The following ZNF335 variants were observed in gnomAD, a reference collection of about 807,000 sequenced individuals.
ZNF335 encodes NRC-interacting factor 1.
In ZNF335, 84 loss-of-function variants were observed where a neutral mutation model predicts 145.6. The ratio of observed to expected loss-of-function variants is 0.58; its 90% confidence interval spans 0.48 to 0.69. ZNF335 has a LOEUF of 0.69. Ranked by LOEUF, ZNF335 falls within the 30% of genes least tolerant of loss-of-function variation. The pLI is 0.00. For synonymous variants in ZNF335, 761 were observed against 717.0 expected, an observed-to-expected ratio of 1.06 and a Z score of -0.98; for missense variants, 1,865 against 1,809.7, an observed-to-expected ratio of 1.03 and a Z score of -0.55.
Position 45,952,046 on chromosome 20 carries a change from G to A in ZNF335, c.3189+101C>T, listed in dbSNP as rs939795225. 19 of 1,457,346 alleles carry A rather than the reference G, an allele frequency of 1.3e-5. 1 individual carries two copies. The African/African-American group carries it at 2.7e-4, about 21-fold the overall frequency. 90.3% of individuals were successfully genotyped at this position (1,457,346 alleles called of 1,614,324 possible). A position where few individuals can be genotyped will look rare whatever the true frequency, so the allele number is the denominator to read the frequency against. On this transcript the variant is annotated intron_variant, in intron 20 of 27. Coordinates refer to ENST00000322927, the MANE Select transcript of ZNF335 (RefSeq NM_022095.4). ...TGACCCATCTCATCCACTCAGAGGA[G>A]AGCAGAGGATCTGGCTTGAAAGGGC...
At position 45,959,336 on chromosome 20, in the gene ZNF335, C is replaced by G; in HGVS notation, c.2118G>C (p.Glu706Asp). 6.3e-7 allele frequency: 1 copy of G among 1,586,358 alleles called. No individual in the cohort carries two copies. The highest frequency in any genetic ancestry group is 2.3e-5 in the East Asian group (1 of 42,668). ...CCTCAGGGTGGCGCCTCCCCCATTC[C>G]TCGAAGCTGCTTGCGTGTCGGCACC... The part of the protein sequence containing the change: ...HVRCRHASSF[E>D]EWGRRHPEEP... Residue 706 changes from glutamate (E) to aspartate (D), a missense_variant, in exon 15 of 28, where the codon GAG (glutamate) becomes GAC (aspartate). By Grantham distance (45) the Glu-to-Asp change is conservative. Transcript: ENST00000322927.
rs937705211 is a variant in ZNF335, at chr20:45,960,730, A to G, written c.1668T>C (p.Thr556=). The part of the protein sequence containing the change: ...SRDRKKRPDP[T]PKLSSFPCPV... ...GGCAGGGGAAAGAGCTCAGCTTTGG[A>G]GTCTAGGAAGGCATAAGAAGGGGCC... The change falls in exon 12 of 28, where the codon ACT becomes ACC. Residue 556 remains threonine, a splice_region_variant and synonymous_variant. Coordinates refer to ENST00000322927, the MANE Select transcript of ZNF335 (RefSeq NM_022095.4). 6.2e-7 allele frequency: 1 copy of G among 1,613,790 alleles called. No individual in the cohort carries two copies.
chr20:45,960,125 GAAGAGGATGGGA>G, intron 14 of ZNF335, 71 bp downstream of exon 14: 1 of 1,493,828 alleles, frequency 6.7e-7, no homozygotes, highest in Non-Finnish European at 9.1e-7. Context: ...GAGGGGGAAG[GAAGAGGATGGGA>G]GCTAAGCCTC....
intron 9 of ZNF335, among the ~76,000 whole-genome samples, chr20:45,962,835 CAG>C (rs1311125722): frequency 1.7e-5 from 2 of 116,022 alleles, no homozygotes; most frequent in South Asian, 2.9e-4. Flanking sequence ...TTTTTTGAGA[CAG>C]AGTTTCGCTC....
chr20:45,949,604 G>A (rs1409247598), intron 24 of ZNF335, 36 bp from the exon 25 acceptor site: 17 of 1,579,330 alleles, frequency 1.1e-5, no homozygotes, highest in Non-Finnish European at 1.5e-5. Context: ...CGAGGCAGGT[G>A]CTGAGGCCCC....
At chr20:45,964,054 G>A in intron 7 of ZNF335, 64 bp from the exon 8 acceptor site, 15 of 1,495,968 alleles carry the variant, frequency 1.0e-5, no homozygotes, top group Non-Finnish European at 1.3e-5. Context: ...TGGACAAGTG[G>A]GCCAGAGGCC....
rs779476380 is a variant in ZNF335, at chr20:45,949,577, G to T, written c.3670-9C>A. On this transcript the variant is annotated splice_polypyrimidine_tract_variant and intron_variant, in intron 24 of 27. Coordinates refer to ENST00000322927, the MANE Select transcript of ZNF335 (RefSeq NM_022095.4). The stretch of plus-strand genomic sequence containing the variant: ...GAGATGATATACTGCACCTGTTGGT[G>T]GGGGGGGCGGGCATGGCGAGGCAGG... The T allele has an allele frequency of 1.6e-5, 25 of 1,594,220 alleles. No individual in the cohort carries two copies. Among genetic ancestry groups the T allele is most frequent in the African/African-American group, 2.8e-5 (2 of 72,104 alleles).
At position 45,953,811 on chromosome 20, in the gene ZNF335, C is replaced by G. The variant is rs1222252238; in HGVS notation, c.2580G>C (p.Gln860His). The G allele has an allele frequency of 1.9e-6, 3 of 1,614,028 alleles. No homozygotes were observed. The highest frequency in any genetic ancestry group is 2.5e-6 in the Non-Finnish European group (3 of 1,180,044). ...TCTGCGGTAGGTCAGGAGGGCCTAG[C>G]TGGCTCTCGGCTGCTGCACCGCCCC... ...EPGGGAAAES[Q>H]LGPPDLPQIT... is the part of the protein sequence containing the mutation. The change falls in exon 18 of 28, where the codon CAG (glutamine) becomes CAC (histidine). Residue 860 changes from glutamine (Q) to histidine (H), a missense_variant. Physicochemically the swap from Gln to His is conservative, Grantham distance 24. Coordinates refer to ENST00000322927, the MANE Select transcript of ZNF335 (RefSeq NM_022095.4).
In ZNF335 at chr20:45,953,790, C is replaced by T. The variant is rs145737287; in HGVS notation, c.2601G>A (p.Pro867=). The change falls in exon 18 of 28, where the codon CCG becomes CCA. Residue 867 remains proline (P), a synonymous_variant. Coordinates refer to ENST00000322927, the MANE Select transcript of ZNF335 (RefSeq NM_022095.4). ...ATGGACCAGGTGCCAGGGTGATCTG[C>T]GGTAGGTCAGGAGGGCCTAGCTGGC... ...AESQLGPPDL[P]QITLAPGPFG... is the part of the protein sequence containing the mutation. The T allele has an allele frequency of 1.5e-4, 236 of 1,614,044 alleles. No homozygotes were observed. Among genetic ancestry groups the T allele is most frequent in the Non-Finnish European group, 1.7e-4 (205 of 1,180,030 alleles).
intron 11 of ZNF335, 28 bp from the exon 12 acceptor site, chr20:45,960,760 G>A: frequency 6.2e-7 from 1 of 1,612,552 alleles, no homozygotes; most frequent in Non-Finnish European, 8.5e-7. Context: ...GGGGCCAGAT[G>A]GAGAAAGAAG....
chr20:45,955,202 AAAG>A (rs1393892347), intron 17 of ZNF335, among the ~76,000 whole-genome samples: 2 of 151,854 alleles, frequency 1.3e-5, no homozygotes, highest in Non-Finnish European at 2.9e-5. Context: ...TAAAAAAATA[AAAG>A]AAGCCAGTCG....
intron 20 of ZNF335, 69 bp from the exon 21 acceptor site, chr20:45,950,664 G>T: frequency 6.3e-7 from 1 of 1,586,394 alleles, no homozygotes. Context: ...CCGGATCCCT[G>T]CTGACAGCTG....
At chr20:45,955,154 T>A (rs900470935) in intron 17 of ZNF335, among the ~76,000 whole-genome samples, 6 of 151,348 alleles carry the variant, frequency 4.0e-5, no homozygotes, top group African/African-American at 1.5e-4. Flanking sequence ...ATCGAGACCA[T>A]CCTGCTTAAC....
chr20:45,955,356 A>AAAAAAAAAAC (rs2083710118), intron 17 of ZNF335, among the ~76,000 whole-genome samples: 1 of 148,912 alleles, frequency 6.7e-6, no homozygotes, highest in African/African-American at 2.5e-5. Context: ...GTCTCAAAAA[A>AAAAAAAAAAC]AAAAAAAAAA....
At chr20:45,968,069 G>T in intron 4 of ZNF335, 42 bp from the exon 5 acceptor site, 1 of 1,609,770 alleles carries the variant, frequency 6.2e-7, no homozygotes. Context: ...TAAATGGAGG[G>T]CAGCACTGGC....
rs1254515808 is a variant in ZNF335, at chr20:45,957,935, G to A, written c.2254-7C>T. ...TTGTCGCCTCTGGGGGTATCTATGG[G>A]GTGGAGATATGGCCACGCCTGAGAG... On this transcript the variant is annotated splice_region_variant and splice_polypyrimidine_tract_variant and intron_variant, in intron 15 of 27. Coordinates refer to ENST00000322927, the MANE Select transcript of ZNF335 (RefSeq NM_022095.4). 6.2e-7 allele frequency: 1 copy of A among 1,613,564 alleles called. No individual in the cohort carries two copies. The highest frequency in any genetic ancestry group is 1.1e-5 in the South Asian group (1 of 91,076).
intron 9 of ZNF335, among the ~76,000 whole-genome samples, chr20:45,963,182 A>T (rs897638909): frequency 1.3e-5 from 2 of 152,162 alleles, no homozygotes. Flanking sequence ...ATGGAATCAG[A>T]TGAAAACAGT....
intron 4 of ZNF335, 109 bp from the exon 5 acceptor site, chr20:45,968,136 C>A (rs975817336): frequency 6.6e-7 from 1 of 1,522,810 alleles, no homozygotes; most frequent in Non-Finnish European, 9.0e-7. Flanking sequence ...CCAAATTCCC[C>A]ACCAGAGGCC....
Position 45,949,282 on chromosome 20 carries a change from C to G in ZNF335, c.3820-31G>C, listed in dbSNP as rs772185509. On this transcript the variant is annotated intron_variant, in intron 26 of 27. Transcript: ENST00000322927. ...GGGGAGAAGCTGATAAGATGCTGGC[C>G]TGGAGAAACCTGCCTGTGCCCCAGG... is the stretch of plus-strand genomic sequence containing the variant. 1.9e-6 allele frequency: 3 copies of G among 1,613,830 alleles called. No homozygotes were observed. The South Asian group carries it at 3.3e-5, about 18-fold the overall frequency.
Sources: allele counts gnomAD v4.1 joint callset (sites outside exome capture counted in the v4.1 genomes callset), GRCh38; gene constraint gnomAD v4.1.1; transcripts MANE v1.5; gene names NCBI Gene and HGNC (gene_info 2026-07-23, HGNC 2026-07-21).